FOXN3: variants seen among roughly 807,000 people sequenced by gnomAD.
FOXN3 encodes the protein forkhead box protein N3.
In FOXN3, 7 loss-of-function variants were observed where a neutral mutation model predicts 38.4. The observed-to-expected ratio is 0.18, with a 90% CI of 0.10 to 0.34. The LOEUF (loss-of-function observed/expected upper bound fraction) is 0.34, where lower values mean the gene tolerates loss of function less well. FOXN3 is among the 10% of genes least tolerant of loss of function. The pLI is 1.00. For synonymous variants in FOXN3, 230 were observed against 242.2 expected (o/e 0.95, Z 0.47); for missense variants, 456 against 613.4 (o/e 0.74, Z 2.71).
intron 2 of FOXN3, among the ~76,000 whole-genome samples, chr14:89,409,113 T>TG (rs1203021703): frequency 6.6e-6 from 1 of 152,226 alleles, no homozygotes; most frequent in African/African-American, 2.4e-5. Context: ...CCTCTTGCTT[T>TG]GTTCTCACAG....
At chr14:89,467,827 T>TC (rs1453917621) in intron 1 of FOXN3, among the ~76,000 whole-genome samples, 1 of 139,138 alleles carries the variant, frequency 7.2e-6, no homozygotes, top group Non-Finnish European at 1.5e-5. Context: ...TTTTTTTTTT[T>TC]TGGGTAGAGA....
intron 4 of FOXN3, among the ~76,000 whole-genome samples, chr14:89,192,371 T>G (rs1486274272): frequency 6.9e-6 from 1 of 145,076 alleles, no homozygotes; most frequent in African/African-American, 2.5e-5. Context: ...ATATATTAAC[T>G]ATTTTATATA....
At chr14:89,359,600 G>C (rs1889374909) in intron 2 of FOXN3, among the ~76,000 whole-genome samples, 1 of 152,220 alleles carries the variant, frequency 6.6e-6, no homozygotes, top group South Asian at 2.1e-4. Context: ...CACTGGAGTA[G>C]TGCCAAGAAG....
At chr14:89,226,887 C>T (rs1003844586) in intron 4 of FOXN3, among the ~76,000 whole-genome samples, 8 of 152,174 alleles carry the variant, frequency 5.3e-5, no homozygotes, top group African/African-American at 1.9e-4. Context: ...CAGAGAGAGA[C>T]CTGGAACAGA....
intron 3 of FOXN3, among the ~76,000 whole-genome samples, chr14:89,347,788 C>T (rs528758962): frequency 1.3e-5 from 2 of 152,184 alleles, no homozygotes; most frequent in Admixed American, 6.5e-5. Flanking sequence ...CCCATCTCTA[C>T]GAAAAATACA....
intron 5 of FOXN3, among the ~76,000 whole-genome samples, chr14:89,166,392 C>T (rs903511159): frequency 2.0e-5 from 3 of 152,086 alleles, no homozygotes; most frequent in Admixed American, 6.5e-5. Flanking sequence ...GCAGAGTTTC[C>T]GGTACCACCT....
chr14:89,391,856 A>C (rs1890957336), intron 2 of FOXN3, among the ~76,000 whole-genome samples: 1 of 152,120 alleles, frequency 6.6e-6, no homozygotes, highest in Non-Finnish European at 1.5e-5. Context: ...ATGTAAAAGA[A>C]ATTAGCCAGG....
At chr14:89,440,224 G>A (rs1193691081) in intron 1 of FOXN3, among the ~76,000 whole-genome samples, 1 of 152,118 alleles carries the variant, frequency 6.6e-6, no homozygotes, top group Non-Finnish European at 1.5e-5. Context: ...GCAAGAAAAG[G>A]AAAAGACCAC....
intron 1 of FOXN3, among the ~76,000 whole-genome samples, chr14:89,440,416 A>G (rs1029650160): frequency 1.3e-5 from 2 of 152,200 alleles, no homozygotes; most frequent in Admixed American, 6.5e-5. Flanking sequence ...ACTTGCACGT[A>G]TAGGCCCAGA....
intron 4 of FOXN3, among the ~76,000 whole-genome samples, chr14:89,264,445 T>C (rs963632082): frequency 6.6e-6 from 1 of 152,152 alleles, no homozygotes. Context: ...CATGATTCAA[T>C]TATCTCCCAT....
chr14:89,247,142 CCCT>C (rs1885323031), intron 4 of FOXN3, among the ~76,000 whole-genome samples: 1 of 152,184 alleles, frequency 6.6e-6, no homozygotes, highest in Non-Finnish European at 1.5e-5. Flanking sequence ...ATCCATCCAT[CCCT>C]CCATCTCATA....
intron 1 of FOXN3, among the ~76,000 whole-genome samples, chr14:89,599,113 C>CT (rs1255508194): frequency 1.3e-5 from 2 of 152,084 alleles, no homozygotes; most frequent in African/African-American, 4.8e-5. Flanking sequence ...CCTCAAAATG[C>CT]TTTATTGTTG....
At chr14:89,207,391 G>A (rs147035466) in intron 4 of FOXN3, among the ~76,000 whole-genome samples, 33 of 151,804 alleles carry the variant, frequency 2.2e-4, no homozygotes, top group Middle Eastern at 6.8e-3. Flanking sequence ...TACAAACACC[G>A]ATGGGATAAA....
At chr14:89,580,023 G>A (rs573996953) in intron 1 of FOXN3, among the ~76,000 whole-genome samples, 13 of 152,176 alleles carry the variant, frequency 8.5e-5, no homozygotes, top group African/African-American at 2.9e-4. Flanking sequence ...GGTTCCCAGG[G>A]TTCAGTGCAA....
At chr14:89,414,549 C>A (rs1345882671) in intron 1 of FOXN3, among the ~76,000 whole-genome samples, 2 of 141,830 alleles carry the variant, frequency 1.4e-5, no homozygotes, top group Admixed American at 7.2e-5. Flanking sequence ...GAGGCCCAAC[C>A]GGTTTTTTTT....
chr14:89,271,007 G>C (rs1479466434), intron 4 of FOXN3, among the ~76,000 whole-genome samples: 1 of 151,970 alleles, frequency 6.6e-6, no homozygotes, highest in African/African-American at 2.4e-5. Context: ...AAGGCCTGAG[G>C]GCAGGGGCCA....
intron 1 of FOXN3, among the ~76,000 whole-genome samples, chr14:89,456,556 C>A (rs772452146): frequency 2.0e-5 from 3 of 152,180 alleles, no homozygotes; most frequent in Non-Finnish European, 2.9e-5. Context: ...GAGTTCAAGA[C>A]CAGCCTGGGC....
At chr14:89,599,063 T>C (rs1896108812) in intron 1 of FOXN3, among the ~76,000 whole-genome samples, 1 of 152,230 alleles carries the variant, frequency 6.6e-6, no homozygotes. Flanking sequence ...CCATATTTAA[T>C]ATGTCTTTCA....
chr14:89,296,660 G>A (rs1005342665), intron 3 of FOXN3, among the ~76,000 whole-genome samples: 3 of 152,164 alleles, frequency 2.0e-5, no homozygotes, highest in African/African-American at 4.8e-5. Flanking sequence ...TTTCTCAACC[G>A]AGTCTCGCTC....
Sources: gnomAD v4.1 joint callset for allele counts (sites outside exome capture counted in the v4.1 genomes callset) on GRCh38, gnomAD v4.1.1 for gene constraint, MANE v1.5 for transcripts, NCBI Gene and HGNC (gene_info 2026-07-23, HGNC 2026-07-21) for gene names.